Variants in BABAM2 observed in about 807,000 individuals in gnomAD.
The protein encoded by BABAM2 is BRISC and BRCA1-A complex member 2.
A neutral mutation model predicts 54.7 loss-of-function variants in BABAM2; 31 were observed. That is an observed-to-expected ratio of 0.57 (90% CI 0.43 to 0.77). BABAM2 has a LOEUF of 0.77. BABAM2 is among the 30% of genes least tolerant of loss of function. The pLI is 0.00. For synonymous variants in BABAM2, 167 were observed against 162.9 expected (o/e 1.03, Z -0.19); for missense variants, 364 against 455.8 (o/e 0.80, Z 1.83).
chr2:28,224,183 C>T (rs952060712), intron 7 of BABAM2, among the ~76,000 whole-genome samples: 3 of 152,190 alleles, frequency 2.0e-5, no homozygotes, highest in African/African-American at 7.2e-5. Flanking sequence ...ATCAGAAATT[C>T]TCTACCTGTA....
chr2:28,059,303 T>TTTC (rs1464739124), intron 6 of BABAM2, among the ~76,000 whole-genome samples: 1 of 152,230 alleles, frequency 6.6e-6, no homozygotes, highest in African/African-American at 2.4e-5. Context: ...TTCCTTCATT[T>TTTC]TTCTGAAGAT....
At chr2:28,095,226 C>G (rs1666506202) in intron 6 of BABAM2, among the ~76,000 whole-genome samples, 2 of 152,120 alleles carry the variant, frequency 1.3e-5, no homozygotes, top group South Asian at 4.1e-4. Flanking sequence ...CTGGGAGTGG[C>G]AAAGCCAGGA....
Position 27,942,449 on chromosome 2 carries a change from C to T in BABAM2, c.205+12541C>T, listed in dbSNP as rs983557398. Among the ~76,000 whole-genome samples, 7 of 152,008 alleles carry T rather than the reference C, an allele frequency of 4.6e-5. No individual in the cohort carries two copies. In the East Asian group the frequency reaches 1.4e-3, roughly 29 times the overall value. ...GATCACAACTCACAGCAACCTCTGC[C>T]TCCCTGGCTCAAGCAATCCCTCCAC... On this transcript the variant is annotated intron_variant, in intron 3 of 11. Transcript: ENST00000379624.
At chr2:28,306,144 G>A (rs1688500607) in intron 11 of BABAM2, among the ~76,000 whole-genome samples, 1 of 152,190 alleles carries the variant, frequency 6.6e-6, no homozygotes, top group African/African-American at 2.4e-5. Flanking sequence ...AGACCAGCAT[G>A]TGATCTATCT....
At chr2:28,327,368 A>G (rs1442224867) in intron 11 of BABAM2, 1 of 1,613,932 alleles carries the variant, frequency 6.2e-7, no homozygotes, top group East Asian at 2.2e-5. Context: ...CCAGCCCCAG[A>G]GGAACTGGCC....
intron 5 of BABAM2, among the ~76,000 whole-genome samples, chr2:28,044,540 A>G (rs1677407512): frequency 6.6e-6 from 1 of 152,208 alleles, no homozygotes; most frequent in Non-Finnish European, 1.5e-5. Context: ...CAAGGGCCAG[A>G]ACCTTGAAAC....
chr2:28,331,816 G>A (rs1690981865), intron 11 of BABAM2, among the ~76,000 whole-genome samples: 2 of 152,084 alleles, frequency 1.3e-5, no homozygotes, highest in South Asian at 4.1e-4. Flanking sequence ...CCCATTACTG[G>A]GCATATACCC....
chr2:28,057,924 A>C (rs1429642549), intron 6 of BABAM2, among the ~76,000 whole-genome samples: 3 of 152,092 alleles, frequency 2.0e-5, no homozygotes, highest in African/African-American at 4.8e-5. Flanking sequence ...CGGGAGGATC[A>C]CAAGGTCAAG....
At chr2:28,104,848 A>G (rs879835982) in intron 6 of BABAM2, among the ~76,000 whole-genome samples, 106 of 152,360 alleles carry the variant, frequency 7.0e-4, no homozygotes, top group Middle Eastern at 3.4e-3. Context: ...ACCATGGAAT[A>G]CTGTGCAGCC....
intron 6 of BABAM2, among the ~76,000 whole-genome samples, chr2:28,090,305 C>T (rs930446140): frequency 6.6e-5 from 10 of 152,104 alleles, no homozygotes; most frequent in African/African-American, 1.2e-4. Context: ...AGTGCAGTGG[C>T]GTGATCTTGG....
Position 28,334,730 on chromosome 2 carries a change from C to G in BABAM2, c.1089-3720C>G, listed in dbSNP as rs193040245. 1.2e-4 allele frequency among the ~76,000 whole-genome samples: 19 copies of G among 152,340 alleles called. No individual in the cohort carries two copies. In the East Asian group the frequency reaches 3.7e-3, roughly 29 times the overall value. On this transcript the variant is annotated intron_variant, in intron 11 of 11. Transcript: ENST00000379624. ...ATATGGAAGGAATAAGTGGCCCTCA[C>G]GTCTGGGTGGCAGCCAACAGTTGAC...
chr2:28,168,605 T>C (rs1472987106), intron 7 of BABAM2, among the ~76,000 whole-genome samples: 1 of 152,226 alleles, frequency 6.6e-6, no homozygotes, highest in East Asian at 1.9e-4. Flanking sequence ...CTTTATTACC[T>C]TTTTTGTCCA....
At chr2:28,081,274 T>G (rs1016123126) in intron 6 of BABAM2, among the ~76,000 whole-genome samples, 2 of 152,128 alleles carry the variant, frequency 1.3e-5, no homozygotes, top group Non-Finnish European at 2.9e-5. Context: ...TCACAGCCCT[T>G]TAAGATATAC....
chr2:28,029,344 C>A lies in BABAM2; in HGVS notation c.495+3924C>A, dbSNP rs187998224. On this transcript the variant is annotated intron_variant, in intron 5 of 11. Coordinates refer to ENST00000379624, the MANE Select transcript of BABAM2 (RefSeq NM_199191.3). ...GAACTTTTTCATCTTGCAAAGGAAGCCATTAAACACTAATTCCTCCTCCCC... is the reference window on the plus strand; with the variant it reads ...GAACTTTTTCATCTTGCAAAGGAAGACATTAAACACTAATTCCTCCTCCCC... Among the ~76,000 whole-genome samples, 23 of 152,248 alleles carry A rather than the reference C, an allele frequency of 1.5e-4. 1 individual carries two copies. Among genetic ancestry groups the A allele is most frequent in the African/African-American group, 4.8e-4 (20 of 41,542 alleles).
chr2:27,917,104 G>A (rs1667031971), intron 2 of BABAM2, among the ~76,000 whole-genome samples: 2 of 142,092 alleles, frequency 1.4e-5, no homozygotes, highest in African/African-American at 2.6e-5. Flanking sequence ...TGCAACTTCC[G>A]CCTCCTGGGT....
At chr2:28,116,509 A>G (rs1390152013) in intron 6 of BABAM2, among the ~76,000 whole-genome samples, 1 of 152,208 alleles carries the variant, frequency 6.6e-6, no homozygotes, top group Non-Finnish European at 1.5e-5. Context: ...AGACAGTCTG[A>G]GCCAAGTGAC....
At chr2:28,115,932 C>T (rs1175203215) in intron 6 of BABAM2, among the ~76,000 whole-genome samples, 6 of 151,592 alleles carry the variant, frequency 4.0e-5, no homozygotes, top group Admixed American at 1.3e-4. Flanking sequence ...CTGACCAACA[C>T]GAAGAAACCA....
chr2:28,095,073 A>T (rs985258480), intron 6 of BABAM2, among the ~76,000 whole-genome samples: 4 of 152,044 alleles, frequency 2.6e-5, no homozygotes, highest in African/African-American at 9.7e-5. Flanking sequence ...CTGTATGCTG[A>T]TATTATTTAT....
rs538694676 is a variant in BABAM2 at position 27,915,677 on chromosome 2, C to T, written c.129-14155C>T. On this transcript the variant is annotated intron_variant, in intron 2 of 11. Coordinates refer to ENST00000379624, the MANE Select transcript of BABAM2 (RefSeq NM_199191.3). Reference sequence around the variant, plus strand: ...TATAAGAATTTGAAGATATAAAAAACGTTTTTTTTCTATCTTTAGAAAGCA... The same window carrying T: ...TATAAGAATTTGAAGATATAAAAAATGTTTTTTTTCTATCTTTAGAAAGCA... Among the ~76,000 whole-genome samples, 54 of 14,154 alleles carry T rather than the reference C, an allele frequency of 3.8e-3. 1 individual carries two copies. In the East Asian group the frequency reaches 0.44, roughly 115 times the overall value. The allele number at this position is 14,154 out of a possible 152,430, so 9.3% of individuals were successfully genotyped here.
Sources: gnomAD v4.1 joint callset for allele counts (sites outside exome capture counted in the v4.1 genomes callset) on GRCh38, gnomAD v4.1.1 for gene constraint, MANE v1.5 for transcripts, NCBI Gene and HGNC (gene_info 2026-07-23, HGNC 2026-07-21) for gene names.